Variants in KCNU1 observed in about 807,000 individuals in gnomAD.
The protein encoded by KCNU1 is potassium calcium-activated channel subfamily U member 1.
In KCNU1, 93 loss-of-function variants were observed where a neutral mutation model predicts 126.8. That is an observed-to-expected ratio of 0.73 (90% CI 0.62 to 0.87). The LOEUF is 0.87. Ranked by LOEUF, KCNU1 falls within the 40% of genes least tolerant of loss-of-function variation. The pLI, the probability that KCNU1 is intolerant of heterozygous loss-of-function variation, is 0.00. For missense variants in KCNU1, 1,330 were observed against 1,367.1 expected, an observed-to-expected ratio of 0.97 and a Z score of 0.43; for synonymous variants, 523 against 494.2, an observed-to-expected ratio of 1.06 and a Z score of -0.77.
intron 12 of KCNU1, 112 bp from the exon 13 acceptor site, chr8:36,836,184 T>C (rs1017884779): frequency 7.5e-6 from 5 of 664,748 alleles, no homozygotes; most frequent in Admixed American, 2.6e-5. Flanking sequence ...CTTTATTATA[T>C]GCCAAGTTTT....
At chr8:36,799,473 G>A (rs904404907) in intron 2 of KCNU1, among the ~76,000 whole-genome samples, 1 of 150,778 alleles carries the variant, frequency 6.6e-6, no homozygotes, top group African/African-American at 2.4e-5. Context: ...GGGCAGGGTA[G>A]AAGTGTTTGT....
At chr8:36,837,707 A>G (rs750929125) in intron 14 of KCNU1, among the ~76,000 whole-genome samples, 49 of 152,198 alleles carry the variant, frequency 3.2e-4, no homozygotes, top group Non-Finnish European at 1.6e-4. Flanking sequence ...CTTGGGATAA[A>G]TTTTTGTAGC....
At chr8:36,840,379 G>A in intron 14 of KCNU1, 84 bp from the exon 15 acceptor site, 1 of 686,262 alleles carries the variant, frequency 1.5e-6, no homozygotes, top group Non-Finnish European at 2.6e-6. Context: ...AGACTTGTTT[G>A]TGCTTAGCAG....
intron 2 of KCNU1, 102 bp downstream of exon 2, chr8:36,787,527 CT>C: frequency 8.8e-7 from 1 of 1,135,978 alleles, no homozygotes; most frequent in Admixed American, 2.6e-5. Context: ...ACTGACGTTC[CT>C]TTGGTCGTCT....
At position 36,826,152 on chromosome 8, in the gene KCNU1, T is replaced by C. The variant is rs560839845; in HGVS notation, c.1107-7402T>C. 4.6e-5 allele frequency among the ~76,000 whole-genome samples: 7 copies of C among 151,804 alleles called. No individual in the cohort carries two copies. The South Asian group carries it at 1.5e-3, about 32-fold the overall frequency. ...TTACAGGTTAACTCTGCTAGCCTTT[T>C]TCTTTTTTATTGTTCCAGTTATATG... On this transcript the variant is annotated intron_variant, in intron 10 of 26. Transcript: ENST00000399881.
At chr8:36,845,235 T>C (rs1163231727) in intron 16 of KCNU1, among the ~76,000 whole-genome samples, 1 of 151,984 alleles carries the variant, frequency 6.6e-6, no homozygotes, top group Non-Finnish European at 1.5e-5. Context: ...GGTCTCGGCA[T>C]ATTTGTCATT....
At chr8:36,834,515 A>C (rs1313588346) in intron 11 of KCNU1, among the ~76,000 whole-genome samples, 1 of 152,200 alleles carries the variant, frequency 6.6e-6, no homozygotes, top group Non-Finnish European at 1.5e-5. Context: ...GGTAGGAAAA[A>C]TATAACGCCT....
intron 2 of KCNU1, among the ~76,000 whole-genome samples, chr8:36,792,116 A>G (rs1224343794): frequency 6.6e-6 from 1 of 152,184 alleles, no homozygotes; most frequent in African/African-American, 2.4e-5. Flanking sequence ...TTTCATGCAC[A>G]TGATACAGTA....
chr8:36,906,043 C>A (rs181712924), intron 20 of KCNU1, among the ~76,000 whole-genome samples: 1 of 152,140 alleles, frequency 6.6e-6, no homozygotes, highest in African/African-American at 2.4e-5. Context: ...ATGTCTTCAA[C>A]TATTTCCTCT....
intron 1 of KCNU1, among the ~76,000 whole-genome samples, chr8:36,786,425 T>C (rs973739089): frequency 5.3e-5 from 8 of 152,206 alleles, no homozygotes; most frequent in Admixed American, 5.2e-4. Context: ...TGTGAACTTT[T>C]ATCAAAGAGT....
intron 18 of KCNU1, among the ~76,000 whole-genome samples, chr8:36,851,886 T>A (rs1478678140): frequency 6.6e-6 from 1 of 152,174 alleles, no homozygotes; most frequent in Non-Finnish European, 1.5e-5. Flanking sequence ...CTTGCCTAAT[T>A]ATTGTGGCAG....
chr8:36,893,650 G>A (rs575544001), intron 19 of KCNU1, among the ~76,000 whole-genome samples: 1 of 151,932 alleles, frequency 6.6e-6, no homozygotes, highest in Non-Finnish European at 1.5e-5. Flanking sequence ...TAGTGGAATG[G>A]GAATAGCACT....
chr8:36,911,114 T>C lies in KCNU1; in HGVS notation c.2516T>C (p.Val839Ala), dbSNP rs1807856578. Residue 839 changes from valine to alanine, a missense_variant, in exon 22 of 27, where the codon GTG (valine) becomes GCG (alanine). By Grantham distance (64) the Val-to-Ala change is moderately conservative (BLOSUM62 0). Around this residue, in one of 3 missense-constraint regions of KCNU1, gnomAD observed 1,054 missense variants for 1,053.9 expected, o/e 1.00. Coordinates refer to ENST00000399881, the MANE Select transcript of KCNU1 (RefSeq NM_001031836.3). ...TCCTCCTCTGACCCGTCACCCTCAG[T>C]GTCAGGTGAGAACAGCACCCCTGAA... ...IDSSSDPSPS[V>A]SEETPGYTNG... The C allele has an allele frequency of 6.2e-7, 1 of 1,611,614 alleles. No individual in the cohort carries two copies. Among genetic ancestry groups the C allele is most frequent in the Non-Finnish European group, 8.5e-7 (1 of 1,178,184 alleles).
At chr8:36,930,879 C>A in intron 24 of KCNU1, 72 bp from the exon 25 acceptor site, 1 of 1,085,416 alleles carries the variant, frequency 9.2e-7, no homozygotes, top group Non-Finnish European at 1.3e-6. Context: ...ACTAAATCTC[C>A]AAGCCTTTAC....
intron 18 of KCNU1, among the ~76,000 whole-genome samples, chr8:36,849,508 G>C (rs944418956): frequency 6.6e-6 from 1 of 152,158 alleles, no homozygotes; most frequent in African/African-American, 2.4e-5. Flanking sequence ...AGAATCTCTT[G>C]AACCCAGGAG....
intron 19 of KCNU1, among the ~76,000 whole-genome samples, chr8:36,886,135 G>C (rs7840936): frequency 0.018 from 2,812 of 152,256 alleles, 92 homozygotes; most frequent in African/African-American, 0.064. Flanking sequence ...GATTATTCAA[G>C]AAGGAGTTCT....
chr8:36,812,174 G>C (rs1250037517), intron 7 of KCNU1, among the ~76,000 whole-genome samples: 3 of 152,070 alleles, frequency 2.0e-5, no homozygotes, highest in East Asian at 1.9e-4. Context: ...GAGGTTGGGA[G>C]TTCGAGACCA....
chr8:36,801,971 T>A (rs550658179), intron 2 of KCNU1, among the ~76,000 whole-genome samples: 138 of 151,932 alleles, frequency 9.1e-4, no homozygotes, highest in Middle Eastern at 3.4e-3. Context: ...TAGCCAGGTA[T>A]AGTGGCGAGT....
In KCNU1 at chr8:36,864,153, G is replaced by A. The variant is rs1171014975; in HGVS notation, c.1892-251G>A. On this transcript the variant is annotated intron_variant, in intron 18 of 26. Transcript: ENST00000399881. ...AATGGGAGGGGTGATGGATTAGAAAGGTGCAGCAGCTATTGAGTAGGTACT... is the reference window on the plus strand; with the variant it reads ...AATGGGAGGGGTGATGGATTAGAAAAGTGCAGCAGCTATTGAGTAGGTACT... 3.9e-5 allele frequency among the ~76,000 whole-genome samples: 6 copies of A among 152,206 alleles called. No homozygotes were observed. The South Asian group carries it at 1.2e-3, about 32-fold the overall frequency.
Sources: gnomAD v4.1 joint callset for allele counts (sites outside exome capture counted in the v4.1 genomes callset) on GRCh38, gnomAD v4.1.1 for gene constraint, gnomAD v4.1.1 regional missense constraint, MANE v1.5 for transcripts, NCBI Gene and HGNC (gene_info 2026-07-23, HGNC 2026-07-21) for gene names.